The following FAM110B variants were observed in gnomAD, a reference collection of about 807,000 sequenced individuals.
The protein encoded by FAM110B is protein FAM110B.
In FAM110B, 6 loss-of-function variants were observed where a neutral mutation model predicts 20.4. That is an observed-to-expected ratio of 0.29 (90% confidence interval 0.16 to 0.58). The LOEUF is 0.58. FAM110B is among the 20% of genes least tolerant of loss of function. The pLI is 0.90. For synonymous variants in FAM110B, 226 were observed against 214.1 expected (o/e 1.06, Z -0.49); for missense variants, 434 against 498.2 (o/e 0.87, Z 1.23).
chr8:58,131,997 A>G (rs1206275986), intron 3 of FAM110B, among the ~76,000 whole-genome samples: 1 of 152,208 alleles, frequency 6.6e-6, no homozygotes, highest in Admixed American at 6.5e-5. Context: ...TAATCAGGTC[A>G]TGACTAGACT....
intron 2 of FAM110B, among the ~76,000 whole-genome samples, chr8:58,033,877 C>T (rs999114854): frequency 2.6e-5 from 4 of 152,212 alleles, no homozygotes; most frequent in Admixed American, 1.3e-4. Context: ...TTCCTGCCTC[C>T]CTCCTGGGAT....
At chr8:58,049,512 A>G (rs960758077) in intron 2 of FAM110B, among the ~76,000 whole-genome samples, 7 of 152,036 alleles carry the variant, frequency 4.6e-5, no homozygotes, top group African/African-American at 1.7e-4. Flanking sequence ...TCTTGGATGT[A>G]TGGATGGATG....
intron 2 of FAM110B, among the ~76,000 whole-genome samples, chr8:58,075,275 T>TTGTG (rs60073899): frequency 1.4e-5 from 2 of 141,670 alleles, no homozygotes; most frequent in South Asian, 2.2e-4. Flanking sequence ...TTTTTTTTTT[T>TTGTG]TGTGTGTGTG....
chr8:58,024,555 T>C (rs1311051592), intron 1 of FAM110B, among the ~76,000 whole-genome samples: 1 of 152,214 alleles, frequency 6.6e-6, no homozygotes, highest in Non-Finnish European at 1.5e-5. Flanking sequence ...AAAAAATGAA[T>C]TGCCTAACTT....
chr8:58,020,382 A>T (rs1804727134), intron 1 of FAM110B, among the ~76,000 whole-genome samples: 1 of 152,218 alleles, frequency 6.6e-6, no homozygotes, highest in African/African-American at 2.4e-5. Context: ...TTAAATTTTT[A>T]AATTGTATTC....
intron 3 of FAM110B, among the ~76,000 whole-genome samples, chr8:58,080,871 C>T (rs945184139): frequency 6.6e-6 from 1 of 152,188 alleles, no homozygotes; most frequent in Non-Finnish European, 1.5e-5. Context: ...TCCTGAAATA[C>T]TTATGTTTTG....
At chr8:58,013,510 A>G (rs1164927911) in intron 1 of FAM110B, among the ~76,000 whole-genome samples, 1 of 152,176 alleles carries the variant, frequency 6.6e-6, no homozygotes, top group Non-Finnish European at 1.5e-5. Context: ...TGCTGAATCC[A>G]CGAGGGAGAG....
chr8:58,040,743 T>C (rs115194763), intron 2 of FAM110B, among the ~76,000 whole-genome samples: 1 of 152,242 alleles, frequency 6.6e-6, no homozygotes, highest in African/African-American at 2.4e-5. Context: ...AAGTAAATTA[T>C]AGCTATGCAG....
At chr8:58,101,607 A>G (rs1806782052) in intron 3 of FAM110B, among the ~76,000 whole-genome samples, 1 of 151,898 alleles carries the variant, frequency 6.6e-6, no homozygotes, top group South Asian at 2.1e-4. Context: ...AATCAAAATA[A>G]ACTGAAGTAT....
chr8:58,056,622 G>A (rs931512104), intron 2 of FAM110B, among the ~76,000 whole-genome samples: 3 of 152,200 alleles, frequency 2.0e-5, no homozygotes, highest in African/African-American at 7.2e-5. Context: ...GGTTGGATTT[G>A]CTTTGATGGA....
At chr8:58,077,720 A>G (rs982289849) in intron 3 of FAM110B, among the ~76,000 whole-genome samples, 12 of 152,182 alleles carry the variant, frequency 7.9e-5, no homozygotes, top group Non-Finnish European at 1.8e-4. Flanking sequence ...CATCAAGGCA[A>G]ACCATCCAGA....
At chr8:58,018,809 A>AATAG (rs59685703) in intron 1 of FAM110B, among the ~76,000 whole-genome samples, 31,492 of 147,928 alleles carry the variant, frequency 0.21, 3,253 homozygotes, top group South Asian at 0.26. Context: ...TAGGGATTAC[A>AATAG]ATAGATAGAT....
intron 1 of FAM110B, among the ~76,000 whole-genome samples, chr8:58,019,030 C>T (rs1804691355): frequency 6.6e-6 from 1 of 152,016 alleles, no homozygotes; most frequent in Admixed American, 6.5e-5. Flanking sequence ...AGCCAAATAT[C>T]TTTTTGTAAA....
chr8:58,078,471 T>C (rs1257465066), intron 3 of FAM110B, among the ~76,000 whole-genome samples: 1 of 152,126 alleles, frequency 6.6e-6, no homozygotes, highest in African/African-American at 2.4e-5. Flanking sequence ...TGTTATCTTA[T>C]TCAAACTTAA....
At chr8:58,130,417 T>C (rs909407348) in intron 3 of FAM110B, among the ~76,000 whole-genome samples, 4 of 152,152 alleles carry the variant, frequency 2.6e-5, no homozygotes, top group African/African-American at 9.7e-5. Context: ...CAGTGGTAAA[T>C]GGGGGAGGGG....
intron 1 of FAM110B, among the ~76,000 whole-genome samples, chr8:58,006,057 A>G (rs943328227): frequency 2.0e-5 from 3 of 152,152 alleles, no homozygotes; most frequent in Non-Finnish European, 4.4e-5. Flanking sequence ...AATAATAATG[A>G]CAATGATATT....
At chr8:58,142,250 G>C (rs1428799875) in intron 3 of FAM110B, among the ~76,000 whole-genome samples, 1 of 152,226 alleles carries the variant, frequency 6.6e-6, no homozygotes, top group East Asian at 1.9e-4. Context: ...GGCTAGCACA[G>C]AAATGGGCTT....
chr8:58,014,988 A>G (rs552071610), intron 1 of FAM110B, among the ~76,000 whole-genome samples: 185 of 152,308 alleles, frequency 1.2e-3, no homozygotes, highest in African/African-American at 4.2e-3. Context: ...TTCTTTTCTT[A>G]GGAATTTTAA....
At chr8:58,111,464 G>A (rs1396305291) in intron 3 of FAM110B, among the ~76,000 whole-genome samples, 1 of 152,188 alleles carries the variant, frequency 6.6e-6, no homozygotes, top group Non-Finnish European at 1.5e-5. Flanking sequence ...ACTTGTGAAT[G>A]ATGGCAAGAC....
Sources: allele counts gnomAD v4.1 joint callset (sites outside exome capture counted in the v4.1 genomes callset), GRCh38; gene constraint gnomAD v4.1.1; transcripts MANE v1.5; gene names NCBI Gene and HGNC (gene_info 2026-07-23, HGNC 2026-07-21).